EP300: variants seen among roughly 807,000 people sequenced by gnomAD.
EP300 encodes the protein histone acetyltransferase p300.
In EP300, 31 loss-of-function variants were observed where a neutral mutation model predicts 264.0. That is an observed-to-expected ratio of 0.12 (90% confidence interval 0.09 to 0.16). EP300 has a LOEUF of 0.16. Among genes scored for constraint, EP300 ranks in the 10% least tolerant of loss-of-function variants. EP300 has a pLI of 1.00. For synonymous variants in EP300, 1,340 were observed against 1,045.4 expected, an observed-to-expected ratio of 1.28 and a Z score of -5.44; for missense variants, 2,766 against 3,052.9, an observed-to-expected ratio of 0.91 and a Z score of 2.21.
At chr22:41,096,151 C>T (rs2058700452) in intron 1 of EP300, among the ~76,000 whole-genome samples, 1 of 151,916 alleles carries the variant, frequency 6.6e-6, no homozygotes, top group Non-Finnish European at 1.5e-5. Flanking sequence ...ATTTTGTTCT[C>T]CCTCTCCCTC....
In EP300 at chr22:41,149,916, T is replaced by TC. The variant is rs1569107391; in HGVS notation, c.2540dup (p.Ser848LysfsTer61). ...GTCGTACCCCCACCCCTCACCATAC[T>TC]CCCCCAAGCATAGGGGCTCAGCAGC... On this transcript the variant is annotated frameshift_variant, in exon 14 of 31. Transcript: ENST00000263253. LOFTEE classifies it high-confidence loss of function. 1 of 1,608,770 alleles carries TC rather than the reference T, an allele frequency of 6.2e-7. No individual in the cohort carries two copies. The highest frequency in any genetic ancestry group is 8.5e-7 in the Non-Finnish European group (1 of 1,178,344).
chr22:41,179,051 A>C lies in EP300; in HGVS notation c.*95A>C. On this transcript the variant is annotated 3_prime_UTR_variant, in exon 31 of 31. Transcript: ENST00000263253. ...ATTTTTTTGAATCTTTCGTAGCCTA[A>C]AAGACAATTTTCCTTGGAACACATA... 1 of 1,470,018 alleles carries C rather than the reference A, an allele frequency of 6.8e-7. No individual in the cohort carries two copies. The highest frequency in any genetic ancestry group is 9.3e-7 in the Non-Finnish European group (1 of 1,075,346). 91.1% of individuals were successfully genotyped at this position (1,470,018 alleles called of 1,614,324 possible). A position where few individuals can be genotyped will look rare whatever the true frequency, so the allele number is the denominator to read the frequency against.
chr22:41,166,352 T>C (rs1052785219), intron 22 of EP300, among the ~76,000 whole-genome samples: 1 of 152,238 alleles, frequency 6.6e-6, no homozygotes, highest in African/African-American at 2.4e-5. Flanking sequence ...TTGTAATCCT[T>C]GATCATCTTT....
rs1413567720 is a variant in EP300 at position 41,126,011 on chromosome 22, G to T, written c.877G>T (p.Ala293Ser). Residue 293 changes from alanine to serine, a missense_variant, in exon 3 of 31, where the codon GCA becomes TCA. Ala to Ser is a moderately conservative substitution (Grantham distance 99, BLOSUM62 1). Coordinates refer to ENST00000263253, the MANE Select transcript of EP300 (RefSeq NM_001429.4). ...NLSPFAMDKK[A>S]VPGGGMPNMG... ...ATCTCCATTTGCTATGGACAAAAAG[G>T]CAGTTCCTGGTGGAGGAATGCCCAA... 1 of 1,614,176 alleles carries T rather than the reference G, an allele frequency of 6.2e-7. No individual in the cohort carries two copies. The highest frequency in any genetic ancestry group is 1.7e-5 in the Admixed American group (1 of 60,018).
intron 1 of EP300, among the ~76,000 whole-genome samples, chr22:41,096,176 T>C (rs1467808964): frequency 6.6e-6 from 1 of 152,162 alleles, no homozygotes; most frequent in African/African-American, 2.4e-5. Flanking sequence ...AAAAAAAGAT[T>C]ATGAAAGCCA....
chr22:41,104,714 A>G (rs2058748972), intron 1 of EP300, among the ~76,000 whole-genome samples: 1 of 152,114 alleles, frequency 6.6e-6, no homozygotes, highest in Non-Finnish European at 1.5e-5. Context: ...AAAGCACTTC[A>G]CCTCTTTAAA....
At chr22:41,140,334 A>T (rs953229864) in intron 9 of EP300, 77 bp downstream of exon 9, 6 of 977,892 alleles carry the variant, frequency 6.1e-6, no homozygotes, top group Non-Finnish European at 1.0e-5. Flanking sequence ...TAGCATGTAC[A>T]AGTAGTACAT....
chr22:41,121,130 C>T (rs1044408970), intron 2 of EP300, among the ~76,000 whole-genome samples: 4 of 152,066 alleles, frequency 2.6e-5, no homozygotes, highest in Middle Eastern at 3.2e-3. Flanking sequence ...ATAATGAGAC[C>T]CCATCTCTAC....
chr22:41,171,488 C>T (rs1043860000), intron 27 of EP300, among the ~76,000 whole-genome samples: 1 of 152,116 alleles, frequency 6.6e-6, no homozygotes, highest in East Asian at 1.9e-4. Flanking sequence ...GTGCACACTA[C>T]GAGAGCTAGC....
In EP300 at chr22:41,128,893, C is replaced by A. The variant is rs2058899125; in HGVS notation, c.1169-997C>A. Among the ~76,000 whole-genome samples, 6 of 152,296 alleles carry A rather than the reference C, an allele frequency of 3.9e-5. No homozygotes were observed. The South Asian group carries it at 1.2e-3, about 32-fold the overall frequency. On this transcript the variant is annotated intron_variant, in intron 4 of 30. Coordinates refer to ENST00000263253, the MANE Select transcript of EP300 (RefSeq NM_001429.4). ...TAAATGCATCATCACAGTTAACTCACTCGGTAAAGGTCGTCTTGGCTGCGT... is the reference window on the plus strand; with the variant it reads ...TAAATGCATCATCACAGTTAACTCAATCGGTAAAGGTCGTCTTGGCTGCGT...
At position 41,179,072 on chromosome 22, in the gene EP300, A is replaced by C. The variant is rs1417066791; in HGVS notation, c.*116A>C. ...CCTAAAAGACAATTTTCCTTGGAAC[A>C]CATAAGAACTGTGCAGTAGCCGTTT... On this transcript the variant is annotated 3_prime_UTR_variant, in exon 31 of 31. Transcript: ENST00000263253. 7.9e-7 allele frequency: 1 copy of C among 1,261,702 alleles called. No individual in the cohort carries two copies. The highest frequency in any genetic ancestry group is 2.4e-5 in the East Asian group (1 of 40,986). The allele number at this position is 1,261,702 out of a possible 1,614,324, so 78.2% of individuals were successfully genotyped here. A position where few individuals can be genotyped will look rare whatever the true frequency, so the allele number is the denominator to read the frequency against.
intron 5 of EP300, among the ~76,000 whole-genome samples, chr22:41,130,770 T>C (rs776422781): frequency 1.3e-5 from 2 of 151,886 alleles, no homozygotes; most frequent in Non-Finnish European, 2.9e-5. Flanking sequence ...AAAGAAAAAA[T>C]ATGAGATTAT....
intron 3 of EP300, among the ~76,000 whole-genome samples, chr22:41,126,716 C>T (rs950067352): frequency 2.9e-5 from 4 of 138,248 alleles, no homozygotes; most frequent in Non-Finnish European, 4.6e-5. Context: ...ATCTCTGTCC[C>T]GAGAAATGTT....
chr22:41,168,148 C>A, intron 23 of EP300: 1 of 396,356 alleles, frequency 2.5e-6, no homozygotes, highest in East Asian at 5.8e-5. Flanking sequence ...ATAAACTCTT[C>A]CAAAATTGGA....
At chr22:41,111,838 C>G (rs1370728633) in intron 1 of EP300, among the ~76,000 whole-genome samples, 2 of 130,378 alleles carry the variant, frequency 1.5e-5, no homozygotes, top group Non-Finnish European at 3.3e-5. Context: ...CATGCCCGGA[C>G]TTTTTTCTCT....
chr22:41,173,915 C>G, intron 29 of EP300, 131 bp downstream of exon 29: 1 of 1,030,728 alleles, frequency 9.7e-7, no homozygotes, highest in Non-Finnish European at 1.5e-6. Context: ...AGTTCAAGAC[C>G]AGCCTGACCA....
intron 1 of EP300, among the ~76,000 whole-genome samples, chr22:41,099,410 T>TG (rs1265439545): frequency 6.6e-6 from 1 of 152,188 alleles, no homozygotes; most frequent in Non-Finnish European, 1.5e-5. Context: ...AGTGGATACC[T>TG]GAAACCCTGT....
In EP300 at chr22:41,169,587, T is replaced by A. The variant is rs1328694380; in HGVS notation, c.4257T>A (p.Ile1419=). The change falls in exon 26 of 31, where the codon ATT becomes ATA. Residue 1419 remains isoleucine (I), a synonymous_variant. Coordinates refer to ENST00000263253, the MANE Select transcript of EP300 (RefSeq NM_001429.4). The part of the protein sequence containing the change: ...LRTAVYHEIL[I]GYLEYVKKLG... ...CTGCAGTCTATCATGAAATCCTAAT[T>A]GGATATTTAGAATATGTCAAGAAAT... The A allele has an allele frequency of 6.2e-7, 1 of 1,606,666 alleles. No individual in the cohort carries two copies. The highest frequency in any genetic ancestry group is 2.2e-5 in the East Asian group (1 of 44,848).
rs71200660 is a variant in EP300 at position 41,110,282 on chromosome 22, A to ATTTTTT, written c.95-6872_95-6867dup. On this transcript the variant is annotated intron_variant, in intron 1 of 30. Coordinates refer to ENST00000263253, the MANE Select transcript of EP300 (RefSeq NM_001429.4). ...AGGTGCATGCCAGCATATCCAGCTA[A>ATTTTTT]TTTTTTTTTTTTTTTTTTTTTTTTT... Among the ~76,000 whole-genome samples the ATTTTTT allele has an allele frequency of 7.9e-4, 38 of 48,224 alleles. 4 individuals carry two copies. Among genetic ancestry groups the ATTTTTT allele is most frequent in the Non-Finnish European group, 1.1e-3 (30 of 26,880 alleles). 31.6% of individuals were successfully genotyped at this position (48,224 alleles called of 152,430 possible).
Sources: gnomAD v4.1 joint callset for allele counts (sites outside exome capture counted in the v4.1 genomes callset) on GRCh38, gnomAD v4.1.1 for gene constraint, MANE v1.5 for transcripts, NCBI Gene and HGNC (gene_info 2026-07-23, HGNC 2026-07-21) for gene names.